The following CELF2 variants were observed in gnomAD, a reference collection of about 807,000 sequenced individuals.
CELF2 encodes CUG triplet repeat RNA-binding protein 2.
Under a neutral mutation model 62.6 loss-of-function variants are expected in CELF2, and 8 were observed. That is an observed-to-expected ratio of 0.13 (90% confidence interval 0.07 to 0.23). CELF2 has a LOEUF of 0.23. Ranked by LOEUF, CELF2 falls within the 10% of genes least tolerant of loss-of-function variation. The pLI is 1.00. For missense variants in CELF2, 333 were observed against 671.0 expected, an observed-to-expected ratio of 0.50 and a Z score of 5.56; for synonymous variants, 258 against 250.0, an observed-to-expected ratio of 1.03 and a Z score of -0.30.
At chr10:11,308,191 T>A (rs751254733) in intron 9 of CELF2, among the ~76,000 whole-genome samples, 23 of 152,240 alleles carry the variant, frequency 1.5e-4, no homozygotes, top group Non-Finnish European at 2.5e-4. Context: ...CCATTCAAGA[T>A]TTTCTCTTAA....
intron 2 of CELF2, among the ~76,000 whole-genome samples, chr10:10,976,166 A>T (rs954631027): frequency 5.3e-5 from 8 of 152,154 alleles, no homozygotes; most frequent in Non-Finnish European, 1.0e-4. Flanking sequence ...TGGTGTCTTA[A>T]CTTCATCCCG....
intron 1 of CELF2, among the ~76,000 whole-genome samples, chr10:10,836,601 G>C (rs959755546): frequency 6.6e-6 from 1 of 152,142 alleles, no homozygotes; most frequent in Non-Finnish European, 1.5e-5. Flanking sequence ...AACTATAGAA[G>C]ACTCCCTTTT....
At chr10:10,535,900 A>G in the CELF2 span, among the ~76,000 whole-genome samples, 3 of 152,176 alleles carry the variant, frequency 2.0e-5, no homozygotes, top group African/African-American at 7.2e-5. Flanking sequence ...ACTTTACACC[A>G]CATAAAGTGA....
At position 11,227,322 on chromosome 10, in the gene CELF2, G is replaced by C. The variant is rs540397764; in HGVS notation, c.354+9815G>C. Among the ~76,000 whole-genome samples, 59 of 152,330 alleles carry C rather than the reference G, an allele frequency of 3.9e-4. 1 individual carries two copies. The highest frequency in any genetic ancestry group is 1.3e-3 in the African/African-American group (53 of 41,570). On this transcript the variant is annotated intron_variant, in intron 3 of 12. Transcript: ENST00000633077. This position sits in a 1 kb window ranked among gnomAD's most constrained non-coding sequence, Gnocchi z 4.8. ...ATCTGCTGCTGCCGACAAGGGACCA[G>C]ACTCACCACCACAAACCAGGGCACT...
intron 3 of CELF2, among the ~76,000 whole-genome samples, chr10:11,225,278 T>C (rs2066123260): frequency 6.6e-6 from 1 of 152,196 alleles, no homozygotes; most frequent in Non-Finnish European, 1.5e-5. Flanking sequence ...CTGTCATTAC[T>C]TCCCATTAAC....
chr10:10,969,801 C>T (rs908941521), intron 2 of CELF2, among the ~76,000 whole-genome samples: 2 of 152,184 alleles, frequency 1.3e-5, no homozygotes, highest in African/African-American at 4.8e-5. Flanking sequence ...GTGTTTATCC[C>T]TCATGTCTGT....
chr10:10,637,091 T>G, the CELF2 span, among the ~76,000 whole-genome samples: 3 of 152,168 alleles, frequency 2.0e-5, no homozygotes, highest in Non-Finnish European at 2.9e-5. Context: ...CTTAGGTAAT[T>G]GTGTTTGCAT....
chr10:11,065,170 A>G (rs978664121), intron 1 of CELF2, among the ~76,000 whole-genome samples: 2 of 152,110 alleles, frequency 1.3e-5, no homozygotes, highest in Admixed American at 1.3e-4. Flanking sequence ...CTCTTTGGAG[A>G]GGTGGTCAGT....
At chr10:11,067,487 C>CT (rs2068487357) in intron 1 of CELF2, among the ~76,000 whole-genome samples, 1 of 152,196 alleles carries the variant, frequency 6.6e-6, no homozygotes, top group South Asian at 2.1e-4. Flanking sequence ...GAGAACGCTT[C>CT]TAAGTGCCTG....
At chr10:11,108,900 T>C (rs1001554096) in intron 1 of CELF2, among the ~76,000 whole-genome samples, 9 of 152,242 alleles carry the variant, frequency 5.9e-5, no homozygotes, top group African/African-American at 2.2e-4. Flanking sequence ...CTTGTCTTTT[T>C]TGTTAATCTC....
rs1038498476 is a variant in CELF2 at position 11,009,012 on chromosome 10, G to C, written c.53+3572G>C. Among the ~76,000 whole-genome samples, 54 of 143,996 alleles carry C rather than the reference G, an allele frequency of 3.8e-4. 1 individual carries two copies. Among genetic ancestry groups the C allele is most frequent in the Non-Finnish European group, 4.9e-4 (32 of 64,670 alleles). 94.5% of individuals were successfully genotyped at this position (143,996 alleles called of 152,430 possible). A position where few individuals can be genotyped will look rare whatever the true frequency, so the allele number is the denominator to read the frequency against. On this transcript the variant is annotated intron_variant, in intron 1 of 12. Coordinates refer to the CELF2 transcript ENST00000416382. ...TAATTCCTGGGGAATTTGCGGGGGG[G>C]GGGGGGGAGCATTCCTGATTCATAA...
At chr10:10,981,742 G>A (rs1008171480) in intron 2 of CELF2, among the ~76,000 whole-genome samples, 1 of 152,082 alleles carries the variant, frequency 6.6e-6, no homozygotes, top group African/African-American at 2.4e-5. Flanking sequence ...CTTTCTATGT[G>A]CCCGGCATTG....
intron 1 of CELF2, among the ~76,000 whole-genome samples, chr10:10,839,159 A>G (rs1236817915): frequency 6.6e-6 from 1 of 152,120 alleles, no homozygotes; most frequent in Non-Finnish European, 1.5e-5. Flanking sequence ...AACAAAAATT[A>G]TATTAGAAAC....
Position 11,250,685 on chromosome 10 carries a change from A to G in CELF2, c.403+1484A>G, listed in dbSNP as rs545924478. 3.9e-5 allele frequency among the ~76,000 whole-genome samples: 6 copies of G among 152,344 alleles called. No homozygotes were observed. The South Asian group carries it at 1.2e-3, about 32-fold the overall frequency. On this transcript the variant is annotated intron_variant, in intron 4 of 12. Coordinates refer to ENST00000633077, the MANE Select transcript of CELF2 (RefSeq NM_001326342.2). ...GAACTGACATTCAGTCTACTGATTT[A>G]AGTATCCAGAAGTCACTTAAACATT...
At chr10:10,731,272 A>C in the CELF2 span, among the ~76,000 whole-genome samples, 1 of 152,002 alleles carries the variant, frequency 6.6e-6, no homozygotes, top group African/African-American at 2.4e-5. Flanking sequence ...ACACACACAC[A>C]CACCCTCAAA....
At chr10:10,898,608 C>G (rs1168916364) in intron 1 of CELF2, among the ~76,000 whole-genome samples, 1 of 152,128 alleles carries the variant, frequency 6.6e-6, no homozygotes, top group Non-Finnish European at 1.5e-5. Context: ...AAAATAATAA[C>G]ATATTTTCAA....
At chr10:10,566,419 A>AT in the CELF2 span, among the ~76,000 whole-genome samples, 3,185 of 136,480 alleles carry the variant, frequency 0.023, 91 homozygotes, top group East Asian at 0.11. Flanking sequence ...TTTTTTTTTA[A>AT]TTTTTTTTTT....
chr10:10,500,358 A>T, the CELF2 span, among the ~76,000 whole-genome samples: 1 of 152,192 alleles, frequency 6.6e-6, no homozygotes, highest in South Asian at 2.1e-4. Context: ...GTTCTCACCC[A>T]AATCTCATCT....
At chr10:10,896,806 AC>A (rs2062587150) in intron 1 of CELF2, among the ~76,000 whole-genome samples, 1 of 152,180 alleles carries the variant, frequency 6.6e-6, no homozygotes, top group Non-Finnish European at 1.5e-5. Flanking sequence ...GTTTGAAGGC[AC>A]CTTGTTTCTG....
Sources: allele counts gnomAD v4.1 joint callset (sites outside exome capture counted in the v4.1 genomes callset), GRCh38; gene constraint gnomAD v4.1.1; non-coding constraint Gnocchi (gnomAD v3.1); transcripts MANE v1.5; gene names NCBI Gene and HGNC (gene_info 2026-07-23, HGNC 2026-07-21).